The following CNTN1 variants were observed in gnomAD, a reference collection of about 807,000 sequenced individuals.
CNTN1 encodes contactin 1.
In CNTN1, 38 loss-of-function variants were observed where a neutral mutation model predicts 126.4. That is an observed-to-expected ratio of 0.30 (90% CI 0.23 to 0.39). The LOEUF (loss-of-function observed/expected upper bound fraction) is 0.39, where lower values mean the gene tolerates loss of function less well. Ranked by LOEUF, CNTN1 falls within the 10% of genes least tolerant of loss-of-function variation. CNTN1 has a pLI of 1.00. For missense variants in CNTN1, 1,009 were observed against 1,248.4 expected (o/e 0.81, Z 2.89); for synonymous variants, 413 against 422.6 (o/e 0.98, Z 0.28).
chr12:40,745,691 G>A (rs1380235426), intron 1 of CNTN1, among the ~76,000 whole-genome samples: 1 of 152,142 alleles, frequency 6.6e-6, no homozygotes, highest in African/African-American at 2.4e-5. Flanking sequence ...AAAAGGCCTG[G>A]AAAAGGGCAA....
chr12:40,940,563 C>G (rs554376026), intron 12 of CNTN1, among the ~76,000 whole-genome samples: 3 of 152,128 alleles, frequency 2.0e-5, no homozygotes, highest in African/African-American at 7.2e-5. Flanking sequence ...GTGTCTAAAG[C>G]TTGGTAAAGT....
At chr12:40,930,581 CT>C (rs1945850007) in intron 7 of CNTN1, among the ~76,000 whole-genome samples, 1 of 151,890 alleles carries the variant, frequency 6.6e-6, no homozygotes, top group African/African-American at 2.4e-5. Context: ...AACTACTTCC[CT>C]TTTAAAAAGC....
chr12:40,905,331 A>G (rs548183165), intron 1 of CNTN1, among the ~76,000 whole-genome samples: 1 of 152,232 alleles, frequency 6.6e-6, no homozygotes, highest in Non-Finnish European at 1.5e-5. Flanking sequence ...AGACCAAAAT[A>G]TCACTGATGT....
intron 1 of CNTN1, among the ~76,000 whole-genome samples, chr12:40,793,685 C>A (rs1003602008): frequency 2.6e-5 from 4 of 152,060 alleles, no homozygotes; most frequent in Admixed American, 2.6e-4. Context: ...TTCCTGGAAT[C>A]ACTCCCCTGT....
At chr12:40,837,846 G>A (rs1230491815) in intron 1 of CNTN1, among the ~76,000 whole-genome samples, 1 of 152,148 alleles carries the variant, frequency 6.6e-6, no homozygotes, top group African/African-American at 2.4e-5. Context: ...TGCCAGCTGG[G>A]TGGACACTCC....
At chr12:41,013,106 A>G (rs1948702107) in intron 17 of CNTN1, among the ~76,000 whole-genome samples, 1 of 152,066 alleles carries the variant, frequency 6.6e-6, no homozygotes, top group Non-Finnish European at 1.5e-5. Context: ...GTGGTGTCTG[A>G]TTTACATAGG....
At chr12:40,906,488 A>T (rs17621741) in intron 1 of CNTN1, among the ~76,000 whole-genome samples, 2 of 151,662 alleles carry the variant, frequency 1.3e-5, no homozygotes, top group African/African-American at 2.4e-5. Context: ...CTTGCAAATC[A>T]GGGAGTATAT....
chr12:41,062,480 T>C (rs1369877153), intron 23 of CNTN1, among the ~76,000 whole-genome samples: 1 of 152,090 alleles, frequency 6.6e-6, no homozygotes, highest in Admixed American at 6.5e-5. Flanking sequence ...GTTGATAACA[T>C]TTAGACAGGA....
intron 1 of CNTN1, among the ~76,000 whole-genome samples, chr12:40,861,488 A>G (rs1372964493): frequency 1.3e-5 from 2 of 152,092 alleles, no homozygotes; most frequent in African/African-American, 4.8e-5. Flanking sequence ...AAGTGTAAGT[A>G]ATTTCTACTA....
At chr12:40,706,414 C>CTCCTACGT (rs1320315947) in intron 1 of CNTN1, among the ~76,000 whole-genome samples, 3 of 152,120 alleles carry the variant, frequency 2.0e-5, no homozygotes, top group Admixed American at 2.0e-4. Flanking sequence ...CGACACCTCC[C>CTCCTACGT]TCCTACGTTC....
At chr12:41,043,097 C>A (rs1455279825) in intron 23 of CNTN1, among the ~76,000 whole-genome samples, 1 of 152,146 alleles carries the variant, frequency 6.6e-6, no homozygotes, top group East Asian at 1.9e-4. Flanking sequence ...TGGGCAAGGA[C>A]TTCATGTCTA....
At chr12:40,873,870 A>G (rs1943585481) in intron 1 of CNTN1, among the ~76,000 whole-genome samples, 1 of 152,128 alleles carries the variant, frequency 6.6e-6, no homozygotes, top group African/African-American at 2.4e-5. Context: ...ATAGCTATCA[A>G]CTATTGGAAT....
At chr12:40,744,269 T>C (rs1938077144) in intron 1 of CNTN1, among the ~76,000 whole-genome samples, 1 of 150,450 alleles carries the variant, frequency 6.6e-6, no homozygotes, top group Non-Finnish European at 1.5e-5. Context: ...TTGCACGTCC[T>C]GCACATGTAT....
intron 23 of CNTN1, among the ~76,000 whole-genome samples, chr12:41,033,943 G>C (rs1023353370): frequency 7.3e-5 from 11 of 151,632 alleles, no homozygotes; most frequent in African/African-American, 2.7e-4. Context: ...CCACCTACTC[G>C]GGAGGCTGAG....
At chr12:40,971,615 C>A in intron 15 of CNTN1, 1 of 1,510,832 alleles carries the variant, frequency 6.6e-7, no homozygotes, top group Non-Finnish European at 8.8e-7. Context: ...CTCCCCACCC[C>A]CAACCTAGTT....
chr12:41,035,997 A>G (rs1566188190), intron 23 of CNTN1, among the ~76,000 whole-genome samples: 2 of 152,190 alleles, frequency 1.3e-5, no homozygotes, highest in South Asian at 2.1e-4. Flanking sequence ...TTTTGTGCAG[A>G]AAATAGATTG....
intron 15 of CNTN1, among the ~76,000 whole-genome samples, chr12:40,973,602 T>C (rs1326503603): frequency 6.6e-6 from 1 of 152,264 alleles, no homozygotes; most frequent in Non-Finnish European, 1.5e-5. Context: ...ACTAGGGAAT[T>C]ACCAGTGGAA....
intron 14 of CNTN1, among the ~76,000 whole-genome samples, chr12:40,957,778 G>A (rs896879103): frequency 2.0e-5 from 3 of 151,856 alleles, no homozygotes; most frequent in Non-Finnish European, 2.9e-5. Context: ...CAAGGATTAA[G>A]GTGTGTGGCC....
intron 16 of CNTN1, among the ~76,000 whole-genome samples, chr12:40,983,985 G>T (rs1476625294): frequency 1.4e-5 from 2 of 145,184 alleles, no homozygotes; most frequent in Non-Finnish European, 3.0e-5. Flanking sequence ...TATAATATAT[G>T]ATATTAATAT....
Sources: allele counts gnomAD v4.1 joint callset (sites outside exome capture counted in the v4.1 genomes callset), GRCh38; gene constraint gnomAD v4.1.1; transcripts MANE v1.5; gene names NCBI Gene and HGNC (gene_info 2026-07-23, HGNC 2026-07-21).